Variants in WDR7 observed in about 807,000 individuals in gnomAD.
The protein encoded by WDR7 is WD repeat-containing protein 7.
In WDR7, 46 loss-of-function variants were observed where a neutral mutation model predicts 169.4. That is an observed-to-expected ratio of 0.27 (90% CI 0.21 to 0.35). The LOEUF (loss-of-function observed/expected upper bound fraction) is 0.35, where lower values mean the gene tolerates loss of function less well. WDR7 is among the 10% of genes least tolerant of loss of function. The pLI is 1.00. For missense variants in WDR7, 1,534 were observed against 1,859.3 expected (o/e 0.83, Z 3.22); for synonymous variants, 612 against 666.8 (o/e 0.92, Z 1.27).
chr18:56,689,371 C>T (rs916508208), intron 7 of WDR7, among the ~76,000 whole-genome samples: 10 of 152,200 alleles, frequency 6.6e-5, no homozygotes, highest in African/African-American at 2.4e-4. Context: ...AGGGATTCTC[C>T]TGCCTCAGCC....
chr18:56,946,699 A>G (rs1171690546), intron 25 of WDR7, among the ~76,000 whole-genome samples: 2 of 152,114 alleles, frequency 1.3e-5, no homozygotes, highest in Non-Finnish European at 2.9e-5. Flanking sequence ...ATGTATGTGT[A>G]TATGTACCTA....
At position 56,757,072 on chromosome 18, in the gene WDR7, C is replaced by G. The variant is rs758300016; in HGVS notation, c.2479C>G (p.Leu827Val). ...AGTTTGCCTGGATCGCCTTGGAATG[C>G]TGAAACCCCACTGCACCGTATCGTT... is the stretch of plus-strand genomic sequence containing the variant. ...DEVCLDRLGM[L>V]KPHCTVSFGL... Residue 827 changes from leucine (L) to valine (V), a missense_variant, in exon 15 of 28, where the codon CTG becomes GTG. Leu to Val is a conservative substitution (Grantham distance 32, BLOSUM62 1). Coordinates refer to ENST00000254442, the MANE Select transcript of WDR7 (RefSeq NM_015285.3). 8 of 1,614,142 alleles carry G rather than the reference C, an allele frequency of 5.0e-6. No homozygotes were observed. The highest frequency in any genetic ancestry group is 5.1e-6 in the Non-Finnish European group (6 of 1,180,004).
intron 16 of WDR7, among the ~76,000 whole-genome samples, chr18:56,766,144 T>C (rs1392914499): frequency 6.6e-6 from 1 of 152,188 alleles, no homozygotes; most frequent in African/African-American, 2.4e-5. Context: ...AGCATTCTTA[T>C]CTTTGTTCCT....
chr18:56,676,017 A>G (rs1040075730), intron 2 of WDR7, among the ~76,000 whole-genome samples: 1 of 151,984 alleles, frequency 6.6e-6, no homozygotes. Flanking sequence ...CTCTCTTGTT[A>G]GCTCTAATAA....
intron 21 of WDR7, among the ~76,000 whole-genome samples, chr18:56,922,681 C>A (rs1345731907): frequency 6.6e-6 from 1 of 152,042 alleles, no homozygotes; most frequent in African/African-American, 2.4e-5. Context: ...GGACTGATGG[C>A]TTTCATCAGA....
rs1051589077 is a variant in WDR7 at position 57,024,081 on chromosome 18, T to C, written c.4270-2923T>C. On this transcript the variant is annotated intron_variant, in intron 27 of 27. Transcript: ENST00000254442. ...GTATATGTGGAGGTCTGGAAGGTTGTTTACCAAAATTTTAACAGTGACTGT... is the reference window on the plus strand; with the variant it reads ...GTATATGTGGAGGTCTGGAAGGTTGCTTACCAAAATTTTAACAGTGACTGT... 2.0e-5 allele frequency among the ~76,000 whole-genome samples: 3 copies of C among 152,320 alleles called. No individual in the cohort carries two copies. In the South Asian group the frequency reaches 6.2e-4, roughly 32 times the overall value.
At chr18:56,796,801 A>G (rs759071612) in intron 19 of WDR7, among the ~76,000 whole-genome samples, 6 of 152,184 alleles carry the variant, frequency 3.9e-5, no homozygotes, top group Non-Finnish European at 7.4e-5. Context: ...CATTTCTTCC[A>G]TGGCATGGAA....
intron 26 of WDR7, among the ~76,000 whole-genome samples, chr18:56,971,281 CAA>C (rs35114589): frequency 4.1e-4 from 42 of 102,908 alleles, no homozygotes; most frequent in Middle Eastern, 5.3e-3. Context: ...TTCTGTCTCC[CAA>C]AAAAAAAAAA....
intron 25 of WDR7, among the ~76,000 whole-genome samples, chr18:56,955,503 T>C (rs915759546): frequency 2.6e-4 from 39 of 152,222 alleles, no homozygotes; most frequent in African/African-American, 8.9e-4. Context: ...AAATTGTAAG[T>C]ATTTGAAAAT....
At chr18:56,911,184 T>C (rs999046699) in intron 21 of WDR7, among the ~76,000 whole-genome samples, 1 of 152,158 alleles carries the variant, frequency 6.6e-6, no homozygotes. Flanking sequence ...GACTCAAAGG[T>C]TAAGAGCAGA....
chr18:56,655,447 C>G (rs145439755), intron 1 of WDR7, among the ~76,000 whole-genome samples: 1 of 151,754 alleles, frequency 6.6e-6, no homozygotes, highest in African/African-American at 2.4e-5. Context: ...GTCAAAACCC[C>G]GTCTCTGGCA....
At chr18:56,713,962 C>T (rs963287143) in intron 12 of WDR7, among the ~76,000 whole-genome samples, 1 of 152,140 alleles carries the variant, frequency 6.6e-6, no homozygotes, top group African/African-American at 2.4e-5. Context: ...TTTATTATTA[C>T]TCTGTTCATT....
At chr18:56,813,900 T>C (rs1397146275) in intron 19 of WDR7, among the ~76,000 whole-genome samples, 1 of 152,208 alleles carries the variant, frequency 6.6e-6, no homozygotes, top group Non-Finnish European at 1.5e-5. Context: ...CTGAATTCCC[T>C]TGGTTGAATA....
chr18:56,973,314 T>TTCA (rs1389816917), intron 26 of WDR7, among the ~76,000 whole-genome samples: 5 of 152,240 alleles, frequency 3.3e-5, no homozygotes, highest in Non-Finnish European at 5.9e-5. Flanking sequence ...ACTGAGCAGT[T>TTCA]GTTATAGGCA....
chr18:56,719,364 C>A (rs2026264960), intron 13 of WDR7, among the ~76,000 whole-genome samples: 1 of 152,026 alleles, frequency 6.6e-6, no homozygotes, highest in African/African-American at 2.4e-5. Flanking sequence ...GAGATCAAGA[C>A]CATCTTGGCT....
Position 56,935,899 on chromosome 18 carries a change from C to T in WDR7, c.3825C>T (p.Ala1275=). ...CACCCGCCTTCATCACCACCATAGCCAAAGAGGTGAGCGGAACTTCTCAGT... is the reference window on the plus strand; with the variant it reads ...CACCCGCCTTCATCACCACCATAGCTAAAGAGGTGAGCGGAACTTCTCAGT... ...ARPPAFITTI[A]KEVHRHTALA... is the part of the protein sequence containing the mutation. Residue 1275 remains alanine (A), a synonymous_variant, in exon 23 of 28, where the codon GCC becomes GCT. Transcript: ENST00000254442. 6.2e-7 allele frequency: 1 copy of T among 1,613,406 alleles called. No individual in the cohort carries two copies. The highest frequency in any genetic ancestry group is 2.2e-5 in the East Asian group (1 of 44,874).
intron 26 of WDR7, among the ~76,000 whole-genome samples, chr18:56,992,282 C>T (rs192780626): frequency 1.3e-5 from 2 of 152,286 alleles, no homozygotes; most frequent in East Asian, 3.9e-4. Flanking sequence ...TAGAACAGAG[C>T]AACTTGTCAC....
chr18:56,734,633 T>C (rs567741714), intron 14 of WDR7, among the ~76,000 whole-genome samples: 49 of 152,140 alleles, frequency 3.2e-4, no homozygotes, highest in African/African-American at 1.1e-3. Flanking sequence ...CTCAGGACAG[T>C]GAAGCCATTA....
chr18:56,846,617 C>A (rs979643438), intron 20 of WDR7, among the ~76,000 whole-genome samples: 4 of 152,178 alleles, frequency 2.6e-5, no homozygotes, highest in African/African-American at 9.6e-5. Context: ...CGGACTAATA[C>A]AAATGGCTTG....
Sources: gnomAD v4.1 joint callset for allele counts (sites outside exome capture counted in the v4.1 genomes callset) on GRCh38, gnomAD v4.1.1 for gene constraint, MANE v1.5 for transcripts, NCBI Gene and HGNC (gene_info 2026-07-23, HGNC 2026-07-21) for gene names.